The following AMD1 variants were observed in gnomAD, a reference collection of about 807,000 sequenced individuals.
The protein encoded by AMD1 is adenosylmethionine decarboxylase 1, also known as S-adenosylmethionine decarboxylase proenzyme.
AMD1 carries 11 observed loss-of-function variants against 40.2 expected under a neutral mutation model. The ratio of observed to expected loss-of-function variants is 0.27; its 90% CI spans 0.17 to 0.45. The LOEUF is 0.45. AMD1 is among the 20% of genes least tolerant of loss of function. The pLI, the probability that AMD1 is intolerant of heterozygous loss-of-function variation, is 1.00. For missense variants in AMD1, 257 were observed against 410.2 expected, an observed-to-expected ratio of 0.63 and a Z score of 3.23; for synonymous variants, 121 against 130.8, an observed-to-expected ratio of 0.93 and a Z score of 0.51.
At chr6:110,819,315 C>T in the AMD1 span, among the ~76,000 whole-genome samples, 1 of 152,158 alleles carries the variant, frequency 6.6e-6, no homozygotes, top group South Asian at 2.1e-4. Flanking sequence ...CAAGATTGCA[C>T]CATTGCACTC....
In AMD1 at chr6:110,890,284, A is replaced by T; in HGVS notation, c.355A>T (p.Lys119Ter). 1 of 1,581,910 alleles carries T rather than the reference A, an allele frequency of 6.3e-7. No homozygotes were observed. Among genetic ancestry groups the T allele is most frequent in the Non-Finnish European group, 8.5e-7 (1 of 1,172,312 alleles). The change falls in exon 4 of 9, where the codon AAG becomes TAG. Residue 119 changes from lysine to a stop codon, truncating the protein, a stop_gained. Coordinates refer to ENST00000368885, the MANE Select transcript of AMD1 (RefSeq NM_001634.6). LOFTEE classifies it high-confidence loss of function. ...CTTTTATTCTCGTAAGAATTTCATG[A>T]AGCCTTCTCACCAAGGGTACCCACA... ...SFFYSRKNFM[K>*]PSHQGYPHRN...
chr6:110,875,723 A>T (rs1221635149), intron 1 of AMD1: 1 of 151,822 alleles, frequency 6.6e-6, no homozygotes, highest in African/African-American at 2.4e-5. Context: ...CGCGGATAGG[A>T]GGGGCCCTCC....
At chr6:110,862,882 T>C in the AMD1 span, among the ~76,000 whole-genome samples, 1 of 152,220 alleles carries the variant, frequency 6.6e-6, no homozygotes, top group Admixed American at 6.5e-5. Context: ...TCTTGGCTTG[T>C]GGACTTGTGG....
In AMD1 at chr6:110,893,613, T is replaced by G. The variant is rs1265633937; in HGVS notation, c.1002T>G (p.Ser334Arg). ...SFAKKQQQQQ[S>R] ...CTAAGAAGCAGCAACAACAGCAGAG[T>G]TGATTAAGAAAAATGAAGAAAAAAC... Residue 334 changes from serine (S) to arginine (R), a missense_variant, in exon 9 of 9, where the codon AGT (serine) becomes AGG (arginine). This residue lies in a region of AMD1 where 192 missense variants were observed against 296.5 expected (regional missense o/e 0.65). Transcript: ENST00000368885. The G allele has an allele frequency of 6.2e-7, 1 of 1,612,400 alleles. No individual in the cohort carries two copies. The highest frequency in any genetic ancestry group is 8.5e-7 in the Non-Finnish European group (1 of 1,179,730).
At position 110,894,903 on chromosome 6, in the gene AMD1, C is replaced by G. The variant is rs1354878469; in HGVS notation, c.*1287C>G. ...TGACTGCCCAGAATGAGAATTTGTC[C>G]AGATTATTCAGATAAACATCATAAA... On this transcript the variant is annotated 3_prime_UTR_variant, in exon 9 of 9. Transcript: ENST00000368885. The G allele has an allele frequency of 6.6e-6, 1 of 152,004 alleles. No homozygotes were observed. The highest frequency in any genetic ancestry group is 1.5e-5 in the Non-Finnish European group (1 of 68,000). The allele number at this position is 152,004 out of a possible 1,614,324, so 9.4% of individuals were successfully genotyped here.
In AMD1 at chr6:110,874,899, G is replaced by A. The variant is rs1785014112; in HGVS notation, c.-207G>A. 1 of 553,242 alleles carries A rather than the reference G, an allele frequency of 1.8e-6. No homozygotes were observed. The highest frequency in any genetic ancestry group is 3.2e-6 in the Non-Finnish European group (1 of 311,366). The allele number at this position is 553,242 out of a possible 1,614,324, so 34.3% of individuals were successfully genotyped here. ...CTGCCTCTATTTCCAAAAGACTCAC[G>A]TTCAACTTTCGCTCACACAAAGCCG... On this transcript the variant is annotated 5_prime_UTR_variant, in exon 1 of 9. Coordinates refer to ENST00000368885, the MANE Select transcript of AMD1 (RefSeq NM_001634.6).
At chr6:110,874,446 T>C (rs1784984860), upstream of AMD1, among the ~76,000 whole-genome samples, 1 of 151,498 alleles carries the variant, frequency 6.6e-6, no homozygotes, top group African/African-American at 2.4e-5. Context: ...CCACCCATGT[T>C]TTCTGCTAAT....
chr6:110,856,249 G>A, the AMD1 span, among the ~76,000 whole-genome samples: 2 of 152,066 alleles, frequency 1.3e-5, no homozygotes, highest in African/African-American at 4.8e-5. Context: ...CCAGGCTATG[G>A]CTTATCTCTG....
chr6:110,851,167 T>C, the AMD1 span, among the ~76,000 whole-genome samples: 1 of 152,046 alleles, frequency 6.6e-6, no homozygotes, highest in Non-Finnish European at 1.5e-5. Flanking sequence ...GGTTTCAGCA[T>C]GTTGGCCAGG....
At chr6:110,861,968 A>G in the AMD1 span, among the ~76,000 whole-genome samples, 1 of 151,898 alleles carries the variant, frequency 6.6e-6, no homozygotes, top group Non-Finnish European at 1.5e-5. Context: ...GAGAAGTTCA[A>G]TGCATTCTGA....
At chr6:110,856,034 T>G in the AMD1 span, among the ~76,000 whole-genome samples, 2 of 152,074 alleles carry the variant, frequency 1.3e-5, no homozygotes, top group African/African-American at 4.8e-5. Context: ...GAGCCATGCT[T>G]ACACCACTGC....
chr6:110,862,859 A>G, the AMD1 span, among the ~76,000 whole-genome samples: 180 of 152,298 alleles, frequency 1.2e-3, no homozygotes, highest in African/African-American at 4.1e-3. Context: ...AGCATTACAA[A>G]CTGATTGCAG....
intron 1 of AMD1, among the ~76,000 whole-genome samples, chr6:110,876,250 C>T (rs1785106296): frequency 6.6e-6 from 1 of 152,230 alleles, no homozygotes; most frequent in Non-Finnish European, 1.5e-5. Context: ...GGCGGTCGCA[C>T]CGGTGGCCAC....
the AMD1 span, chr6:110,858,708 C>A: frequency 2.4e-6 from 2 of 834,892 alleles, no homozygotes; most frequent in South Asian, 1.4e-5. Context: ...TTCGACGACG[C>A]CACCATGAAG....
At chr6:110,853,577 G>A in the AMD1 span, among the ~76,000 whole-genome samples, 1 of 152,094 alleles carries the variant, frequency 6.6e-6, no homozygotes, top group South Asian at 2.1e-4. Flanking sequence ...AAAGGGCTGG[G>A]ATTACAGGCG....
the AMD1 span, among the ~76,000 whole-genome samples, chr6:110,865,037 A>T: frequency 6.6e-6 from 1 of 152,240 alleles, no homozygotes; most frequent in South Asian, 2.1e-4. Flanking sequence ...TGGTTTCTGC[A>T]GCTGTTGAAG....
chr6:110,847,556 A>C, the AMD1 span, among the ~76,000 whole-genome samples: 1 of 151,686 alleles, frequency 6.6e-6, no homozygotes, highest in Non-Finnish European at 1.5e-5. Context: ...TTTCTTAGGG[A>C]AACTTCCATT....
the AMD1 span, among the ~76,000 whole-genome samples, chr6:110,865,993 C>T: frequency 6.6e-6 from 1 of 151,958 alleles, no homozygotes; most frequent in Non-Finnish European, 1.5e-5. Context: ...GAACTCCTGA[C>T]CTCAGGTGAT....
At chr6:110,881,766 A>C (rs1445461742) in intron 1 of AMD1, among the ~76,000 whole-genome samples, 1 of 151,862 alleles carries the variant, frequency 6.6e-6, no homozygotes, top group East Asian at 1.9e-4. Flanking sequence ...CGGAGTTTGC[A>C]GTGAGCTGAT....
Sources: gnomAD v4.1 joint callset for allele counts (sites outside exome capture counted in the v4.1 genomes callset) on GRCh38, gnomAD v4.1.1 for gene constraint, gnomAD v4.1.1 regional missense constraint, MANE v1.5 for transcripts, NCBI Gene and HGNC (gene_info 2026-07-23, HGNC 2026-07-21) for gene names.